The following RAB7A variants were observed in gnomAD, a reference collection of about 807,000 sequenced individuals.
RAB7A encodes the protein ras-related protein Rab-7a.
RAB7A carries 2 observed loss-of-function variants against 24.5 expected under a neutral mutation model. The observed-to-expected ratio is 0.08, with a 90% CI of 0.03 to 0.26. The LOEUF (loss-of-function observed/expected upper bound fraction) is 0.26. Ranked by LOEUF, RAB7A falls within the 10% of genes least tolerant of loss-of-function variation. The pLI, the probability that RAB7A is intolerant of heterozygous loss-of-function variation, is 1.00. For synonymous variants in RAB7A, 100 were observed against 95.9 expected, an observed-to-expected ratio of 1.04 and a Z score of -0.25; for missense variants, 118 against 255.7, an observed-to-expected ratio of 0.46 and a Z score of 3.67.
chr3:128,804,830 A>T (rs1933767548), intron 3 of RAB7A, among the ~76,000 whole-genome samples: 1 of 152,224 alleles, frequency 6.6e-6, no homozygotes, highest in South Asian at 2.1e-4. Context: ...GTTTATAATG[A>T]TAGGAAATTG....
chr3:128,747,965 A>G (rs370511123), intron 1 of RAB7A, among the ~76,000 whole-genome samples: 1,076 of 150,266 alleles, frequency 7.2e-3, no homozygotes, highest in African/African-American at 0.026. Flanking sequence ...ACGAGGTTTC[A>G]CCATGTTGGC....
chr3:128,773,565 C>T (rs1171184072), intron 1 of RAB7A, among the ~76,000 whole-genome samples: 6 of 152,192 alleles, frequency 3.9e-5, no homozygotes, highest in Non-Finnish European at 7.4e-5. Context: ...GCCCCTCTGC[C>T]CGGCCACCAC....
At chr3:128,762,844 G>A (rs991508142) in intron 1 of RAB7A, among the ~76,000 whole-genome samples, 1 of 152,094 alleles carries the variant, frequency 6.6e-6, no homozygotes, top group African/African-American at 2.4e-5. Flanking sequence ...CATATACAAA[G>A]CAAAGAGACT....
intron 2 of RAB7A, 33 bp downstream of exon 2, chr3:128,795,453 G>A: frequency 6.3e-7 from 1 of 1,584,520 alleles, no homozygotes; most frequent in Non-Finnish European, 8.7e-7. Flanking sequence ...CTAACAGATT[G>A]GCTTAGAGCT....
At chr3:128,788,454 A>G (rs1933386348) in intron 1 of RAB7A, among the ~76,000 whole-genome samples, 1 of 152,202 alleles carries the variant, frequency 6.6e-6, no homozygotes, top group African/African-American at 2.4e-5. Flanking sequence ...GTGGTTAGTT[A>G]CAATGGAAAA....
chr3:128,754,890 A>G (rs2070716679), intron 1 of RAB7A, among the ~76,000 whole-genome samples: 1 of 152,240 alleles, frequency 6.6e-6, no homozygotes, highest in Non-Finnish European at 1.5e-5. Context: ...GTGAAACATG[A>G]CTGATAATGG....
chr3:128,792,037 A>G, intron 1 of RAB7A, among the ~76,000 whole-genome samples: 1 of 152,226 alleles, frequency 6.6e-6, no homozygotes, highest in East Asian at 1.9e-4. Flanking sequence ...CCCATAGATT[A>G]CAGCATTTTT....
At chr3:128,735,209 G>C (rs1173300516) in intron 1 of RAB7A, among the ~76,000 whole-genome samples, 1 of 152,220 alleles carries the variant, frequency 6.6e-6, no homozygotes, top group Non-Finnish European at 1.5e-5. Flanking sequence ...GGGGCATGTT[G>C]AGTGGATTTT....
intron 3 of RAB7A, chr3:128,798,540 A>G (rs868427497): frequency 1.1e-5 from 2 of 176,048 alleles, no homozygotes; most frequent in Admixed American, 5.6e-5. Flanking sequence ...TTTTTTATGT[A>G]TCAGCTTATT....
At chr3:128,732,455 C>A (rs952889956) in intron 1 of RAB7A, among the ~76,000 whole-genome samples, 4 of 151,826 alleles carry the variant, frequency 2.6e-5, no homozygotes, top group Admixed American at 2.0e-4. Context: ...ATTCACTACC[C>A]CGAGGAAGAC....
intron 1 of RAB7A, among the ~76,000 whole-genome samples, chr3:128,726,691 C>G (rs1576261887): frequency 6.6e-6 from 1 of 152,342 alleles, no homozygotes; most frequent in East Asian, 1.9e-4. Context: ...ACGCGCTGGC[C>G]AGTGGAGTTC....
At chr3:128,808,569 G>A (rs1933853015) in intron 5 of RAB7A, among the ~76,000 whole-genome samples, 1 of 152,116 alleles carries the variant, frequency 6.6e-6, no homozygotes, top group Non-Finnish European at 1.5e-5. Context: ...AACTATTCAA[G>A]GAATATAATA....
intron 1 of RAB7A, among the ~76,000 whole-genome samples, chr3:128,784,734 A>C (rs1382279762): frequency 6.6e-6 from 1 of 152,096 alleles, no homozygotes; most frequent in Non-Finnish European, 1.5e-5. Flanking sequence ...TCCCAGAGGA[A>C]TCCTTCCCTA....
At chr3:128,789,778 G>A (rs1158837703) in intron 1 of RAB7A, among the ~76,000 whole-genome samples, 1 of 148,326 alleles carries the variant, frequency 6.7e-6, no homozygotes, top group African/African-American at 2.5e-5. Context: ...CATTTAGTGT[G>A]TTTTGTTCCT....
At chr3:128,728,263 C>G (rs2070399688) in intron 1 of RAB7A, among the ~76,000 whole-genome samples, 1 of 152,130 alleles carries the variant, frequency 6.6e-6, no homozygotes, top group Admixed American at 6.5e-5. Context: ...CTCATCTCTG[C>G]TGGTGAATCA....
At chr3:128,786,524 G>A (rs1576294836) in intron 1 of RAB7A, among the ~76,000 whole-genome samples, 1 of 152,184 alleles carries the variant, frequency 6.6e-6, no homozygotes, top group Non-Finnish European at 1.5e-5. Context: ...CATATACAGA[G>A]CATGAAGTCT....
intron 3 of RAB7A, among the ~76,000 whole-genome samples, chr3:128,801,796 C>T (rs1384095296): frequency 6.6e-6 from 1 of 151,808 alleles, no homozygotes; most frequent in Non-Finnish European, 1.5e-5. Context: ...TGGTGTGGCA[C>T]CAATCCACTG....
intron 1 of RAB7A, among the ~76,000 whole-genome samples, chr3:128,743,003 C>T (rs1048720473): frequency 1.3e-5 from 2 of 152,188 alleles, no homozygotes; most frequent in African/African-American, 2.4e-5. Context: ...GAGGCTCGGG[C>T]TTCACGGGAG....
chr3:128,728,929 C>T (rs1346546384), intron 1 of RAB7A, among the ~76,000 whole-genome samples: 1 of 152,168 alleles, frequency 6.6e-6, no homozygotes, highest in Non-Finnish European at 1.5e-5. Context: ...GCCATAGTTT[C>T]AGTACCATTC....
Sources: allele counts gnomAD v4.1 joint callset (sites outside exome capture counted in the v4.1 genomes callset), GRCh38; gene constraint gnomAD v4.1.1; transcripts MANE v1.5; gene names NCBI Gene and HGNC (gene_info 2026-07-23, HGNC 2026-07-21).